The following STARD13 variants were observed in gnomAD, a reference collection of about 807,000 sequenced individuals.
STARD13 encodes the protein stAR-related lipid transfer protein 13.
In STARD13, 62 loss-of-function variants were observed where a neutral mutation model predicts 106.4. The observed-to-expected ratio is 0.58, with a 90% CI of 0.48 to 0.72. The LOEUF is 0.72. Among genes scored for constraint, STARD13 ranks in the 30% least tolerant of loss-of-function variants. The probability of loss-of-function intolerance (pLI) is 0.00; values close to 1 mark genes in which losing one functional copy is unlikely to be tolerated. For synonymous variants in STARD13, 565 were observed against 553.0 expected, an observed-to-expected ratio of 1.02 and a Z score of -0.31; for missense variants, 1,387 against 1,424.0, an observed-to-expected ratio of 0.97 and a Z score of 0.42.
At chr13:33,525,795 T>G in the STARD13 span, among the ~76,000 whole-genome samples, 10 of 152,034 alleles carry the variant, frequency 6.6e-5, no homozygotes, top group African/African-American at 2.4e-4. Flanking sequence ...TTATCAGAGG[T>G]TGTTTTTGGT....
At chr13:33,417,716 A>T in the STARD13 span, among the ~76,000 whole-genome samples, 1 of 152,222 alleles carries the variant, frequency 6.6e-6, no homozygotes, top group East Asian at 1.9e-4. Flanking sequence ...CAGAATAGGC[A>T]AATCCGTAGA....
intron 1 of STARD13, among the ~76,000 whole-genome samples, chr13:33,284,727 ATT>A (rs67339962): frequency 1.1e-4 from 16 of 146,826 alleles, no homozygotes; most frequent in Admixed American, 5.5e-4. Context: ...CATGTTTTAA[ATT>A]TTTTTTTTTT....
the STARD13 span, among the ~76,000 whole-genome samples, chr13:33,447,247 T>G: frequency 6.6e-6 from 1 of 152,222 alleles, no homozygotes; most frequent in Admixed American, 6.5e-5. Flanking sequence ...CTTGTACAAC[T>G]ATGTGCCCTA....
At chr13:33,514,573 G>A in the STARD13 span, among the ~76,000 whole-genome samples, 2 of 152,078 alleles carry the variant, frequency 1.3e-5, no homozygotes, top group Non-Finnish European at 2.9e-5. Flanking sequence ...TTAACAGTAG[G>A]TGCCACAATG....
chr13:33,382,530 A>G, the STARD13 span, among the ~76,000 whole-genome samples: 1 of 152,166 alleles, frequency 6.6e-6, no homozygotes, highest in Non-Finnish European at 1.5e-5. Context: ...GAAATCTATG[A>G]AGGGAGGGAC....
chr13:33,638,275 T>G, the STARD13 span, among the ~76,000 whole-genome samples: 9 of 152,134 alleles, frequency 5.9e-5, no homozygotes, highest in African/African-American at 2.4e-5. Context: ...AATCAATACA[T>G]GTAAGATACA....
chr13:33,608,759 T>C, the STARD13 span, among the ~76,000 whole-genome samples: 1 of 152,050 alleles, frequency 6.6e-6, no homozygotes, highest in East Asian at 1.9e-4. Flanking sequence ...GAGTGAAGCA[T>C]GGAGAAATCT....
chr13:33,626,079 T>C, the STARD13 span, among the ~76,000 whole-genome samples: 1 of 152,182 alleles, frequency 6.6e-6, no homozygotes, highest in Non-Finnish European at 1.5e-5. Flanking sequence ...ATAAAACTTT[T>C]ATATGAGAGA....
intron 1 of STARD13, among the ~76,000 whole-genome samples, chr13:33,213,423 G>A (rs1887838384): frequency 1.3e-5 from 2 of 152,180 alleles, no homozygotes; most frequent in Non-Finnish European, 2.9e-5. Flanking sequence ...ATGTTCACAA[G>A]AGAGGCTCAG....
At chr13:33,566,773 C>G in the STARD13 span, among the ~76,000 whole-genome samples, 3 of 147,858 alleles carry the variant, frequency 2.0e-5, no homozygotes, top group Non-Finnish European at 3.0e-5. Flanking sequence ...GATCACTGCT[C>G]TCAGGTGCAG....
intron 3 of STARD13, among the ~76,000 whole-genome samples, chr13:33,156,943 GTTAA>G (rs1310364862): frequency 2.0e-5 from 3 of 152,064 alleles, no homozygotes; most frequent in Non-Finnish European, 4.4e-5. Context: ...CAAGAAATCA[GTTAA>G]TTGTCACTTA....
At chr13:33,110,465 G>C (rs1367558746) in intron 11 of STARD13, among the ~76,000 whole-genome samples, 1 of 152,098 alleles carries the variant, frequency 6.6e-6, no homozygotes, top group Non-Finnish European at 1.5e-5. Flanking sequence ...CAGCTACGGG[G>C]GAGAGACAGG....
chr13:33,559,622 G>A, the STARD13 span, among the ~76,000 whole-genome samples: 3 of 151,418 alleles, frequency 2.0e-5, no homozygotes, highest in Non-Finnish European at 4.4e-5. Flanking sequence ...TTGGGAGGCC[G>A]AGGCGGGCAG....
the STARD13 span, among the ~76,000 whole-genome samples, chr13:33,441,718 T>C: frequency 6.6e-6 from 1 of 152,224 alleles, no homozygotes; most frequent in Non-Finnish European, 1.5e-5. Flanking sequence ...AAAATGATGA[T>C]GCAGTTAAAG....
At chr13:33,650,346 ACGCCCGG>A in the STARD13 span, among the ~76,000 whole-genome samples, 1 of 148,422 alleles carries the variant, frequency 6.7e-6, no homozygotes, top group African/African-American at 2.5e-5. Context: ...GCCCGCCACT[ACGCCCGG>A]CTAATTTTTT....
At chr13:33,573,250 A>G in the STARD13 span, among the ~76,000 whole-genome samples, 1 of 152,174 alleles carries the variant, frequency 6.6e-6, no homozygotes, top group African/African-American at 2.4e-5. Context: ...TATAATTGAT[A>G]TCTATATAGA....
Position 33,191,633 on chromosome 13 carries a change from G to A in STARD13, c.170-24011C>T, listed in dbSNP as rs540765472. 3.9e-5 allele frequency among the ~76,000 whole-genome samples: 6 copies of A among 152,296 alleles called. No homozygotes were observed. In the South Asian group the frequency reaches 1.2e-3, roughly 32 times the overall value. ...GAAAGTTAAGATTGCCCTTGCACTT[G>A]GTTGCTAGGAAAGCATGGTTGATGA... On this transcript the variant is annotated intron_variant, in intron 1 of 13. Coordinates refer to ENST00000336934, the MANE Select transcript of STARD13 (RefSeq NM_178006.4).
chr13:33,387,228 C>G, the STARD13 span, among the ~76,000 whole-genome samples: 1 of 152,110 alleles, frequency 6.6e-6, no homozygotes, highest in African/African-American at 2.4e-5. Flanking sequence ...TGGTCTTGAA[C>G]TTCTGGCCTC....
chr13:33,150,206 G>A (rs1013632110), intron 3 of STARD13, among the ~76,000 whole-genome samples: 2 of 152,178 alleles, frequency 1.3e-5, no homozygotes, highest in African/African-American at 4.8e-5. Flanking sequence ...TTGACTTTAA[G>A]TAGTTACAAT....
Sources: gnomAD v4.1 joint callset for allele counts (sites outside exome capture counted in the v4.1 genomes callset) on GRCh38, gnomAD v4.1.1 for gene constraint, MANE v1.5 for transcripts, NCBI Gene and HGNC (gene_info 2026-07-23, HGNC 2026-07-21) for gene names.